The following LDB2 variants were observed in gnomAD, a reference collection of about 807,000 sequenced individuals.
LDB2 encodes LIM domain-binding protein 2.
In LDB2, 12 loss-of-function variants were observed where a neutral mutation model predicts 44.3. The ratio of observed to expected loss-of-function variants is 0.27; its 90% CI spans 0.17 to 0.44. LDB2 has a LOEUF of 0.44. LDB2 is among the 20% of genes least tolerant of loss of function. The pLI is 1.00. For synonymous variants in LDB2, 164 were observed against 174.8 expected (o/e 0.94, Z 0.49); for missense variants, 344 against 473.5 (o/e 0.73, Z 2.54).
chr4:16,888,056 T>C (rs1043056399), intron 1 of LDB2, among the ~76,000 whole-genome samples: 10 of 152,308 alleles, frequency 6.6e-5, no homozygotes, highest in South Asian at 2.1e-4. Context: ...AGTGAATCAA[T>C]TGGAAGGGCT....
At chr4:16,586,047 G>T in intron 4 of LDB2, 42 bp from the exon 5 acceptor site, 1 of 1,463,300 alleles carries the variant, frequency 6.8e-7, no homozygotes, top group Non-Finnish European at 9.6e-7. Flanking sequence ...ATCACTACAG[G>T]ACGGTCCTGA....
intron 2 of LDB2, among the ~76,000 whole-genome samples, chr4:16,677,495 C>G (rs1445609071): frequency 6.6e-6 from 1 of 152,306 alleles, no homozygotes; most frequent in East Asian, 1.9e-4. Context: ...GGCAGAAGAA[C>G]TGGATTACAA....
intron 1 of LDB2, among the ~76,000 whole-genome samples, chr4:16,787,974 C>A (rs1774822754): frequency 6.6e-6 from 1 of 152,070 alleles, no homozygotes; most frequent in African/African-American, 2.4e-5. Flanking sequence ...TGTGCCTGAC[C>A]ACTCTCTTTC....
intron 2 of LDB2, among the ~76,000 whole-genome samples, chr4:16,630,041 C>T (rs1183197733): frequency 6.6e-6 from 1 of 152,182 alleles, no homozygotes; most frequent in Admixed American, 6.5e-5. Flanking sequence ...AGAACTTCTC[C>T]AACCTAGCAA....
chr4:16,642,810 C>T (rs988726089), intron 2 of LDB2, among the ~76,000 whole-genome samples: 8 of 152,176 alleles, frequency 5.3e-5, no homozygotes, highest in Admixed American at 2.6e-4. Flanking sequence ...GTAACTGCCA[C>T]CCTCAGCAGT....
intron 2 of LDB2, among the ~76,000 whole-genome samples, chr4:16,720,230 G>C (rs1757963096): frequency 6.7e-6 from 1 of 149,370 alleles, no homozygotes; most frequent in African/African-American, 2.5e-5. Flanking sequence ...TTGACTTTAA[G>C]AAAGATTATC....
Position 16,521,392 on chromosome 4 carries a change from G to T in LDB2, c.616-9288C>A, listed in dbSNP as rs910524820. Among the ~76,000 whole-genome samples, 35 of 152,030 alleles carry T rather than the reference G, an allele frequency of 2.3e-4. 1 individual carries two copies. Among genetic ancestry groups the T allele is most frequent in the Non-Finnish European group, 5.1e-4 (35 of 68,010 alleles). On this transcript the variant is annotated intron_variant, in intron 5 of 7. Coordinates refer to ENST00000304523, the MANE Select transcript of LDB2 (RefSeq NM_001290.5). ...TCTGCACATGGCCTTTACCCTATGT[G>T]TCTGTGTCCTCTCCTCTTCTTATAA...
chr4:16,608,206 C>CA (rs71649969), intron 2 of LDB2, among the ~76,000 whole-genome samples: 21,620 of 68,084 alleles, frequency 0.32, 3,010 homozygotes, highest in East Asian at 0.39. Context: ...CACACTTCTT[C>CA]AAAAAAAAAA....
At chr4:16,551,617 A>C (rs974152452) in intron 5 of LDB2, among the ~76,000 whole-genome samples, 1 of 152,100 alleles carries the variant, frequency 6.6e-6, no homozygotes, top group Admixed American at 6.6e-5. Context: ...TTCTGGGTTC[A>C]AACAATTCTC....
At chr4:16,859,191 C>T (rs180696194) in intron 1 of LDB2, among the ~76,000 whole-genome samples, 1 of 152,164 alleles carries the variant, frequency 6.6e-6, no homozygotes, top group Non-Finnish European at 1.5e-5. Flanking sequence ...TTACTCTGAT[C>T]CCTGGGAGTC....
At chr4:16,751,507 G>A (rs1053050581) in intron 2 of LDB2, among the ~76,000 whole-genome samples, 6 of 152,114 alleles carry the variant, frequency 3.9e-5, no homozygotes, top group Non-Finnish European at 7.3e-5. Context: ...GAAGAGATGG[G>A]TCTCCTTTTT....
intron 1 of LDB2, among the ~76,000 whole-genome samples, chr4:16,787,627 T>C (rs2109548674): frequency 6.6e-6 from 1 of 151,236 alleles, no homozygotes; most frequent in African/African-American, 2.4e-5. Flanking sequence ...AAAAAAAGAG[T>C]GGGGGTGCAA....
intron 2 of LDB2, among the ~76,000 whole-genome samples, chr4:16,743,156 G>A (rs530610065): frequency 1.1e-4 from 16 of 152,248 alleles, no homozygotes; most frequent in African/African-American, 3.4e-4. Context: ...CAGGCATGGT[G>A]ATGCAAGCCT....
chr4:16,719,182 A>G (rs972815119), intron 2 of LDB2, among the ~76,000 whole-genome samples: 1 of 152,118 alleles, frequency 6.6e-6, no homozygotes, highest in Non-Finnish European at 1.5e-5. Context: ...TGACATAAAT[A>G]TGATTCAAGT....
intron 1 of LDB2, among the ~76,000 whole-genome samples, chr4:16,884,236 G>A (rs1318262491): frequency 6.6e-6 from 1 of 152,194 alleles, no homozygotes; most frequent in Non-Finnish European, 1.5e-5. Flanking sequence ...GTGTTGGTCT[G>A]AGGGCTTTCA....
intron 1 of LDB2, among the ~76,000 whole-genome samples, chr4:16,798,034 C>T (rs1401875462): frequency 3.0e-5 from 3 of 99,172 alleles, no homozygotes; most frequent in Non-Finnish European, 5.7e-5. Flanking sequence ...GACTCTGTCT[C>T]GAAAAAAAAA....
rs557235358 is a variant in LDB2, at chr4:16,679,430, A to G, written c.235+79728T>C. On this transcript the variant is annotated intron_variant, in intron 2 of 7. Coordinates refer to ENST00000304523, the MANE Select transcript of LDB2 (RefSeq NM_001290.5). ...TGCTAACGTTTTTCTAGCATTTACT[A>G]TGGGCCAGGCACTAATCCTTTACCT... Among the ~76,000 whole-genome samples the G allele has an allele frequency of 5.3e-5, 8 of 152,316 alleles. No individual in the cohort carries two copies. The South Asian group carries it at 1.5e-3, about 28-fold the overall frequency.
intron 1 of LDB2, among the ~76,000 whole-genome samples, chr4:16,843,715 A>G (rs1423313561): frequency 6.6e-6 from 1 of 152,034 alleles, no homozygotes; most frequent in East Asian, 1.9e-4. Context: ...TCCACCTCCC[A>G]GGTTCAAGCT....
chr4:16,661,886 A>G (rs925571212), intron 2 of LDB2, among the ~76,000 whole-genome samples: 6 of 152,188 alleles, frequency 3.9e-5, no homozygotes, highest in Non-Finnish European at 7.3e-5. Context: ...GTGAGAGAGC[A>G]CATGGAATCT....
Sources: allele counts gnomAD v4.1 joint callset (sites outside exome capture counted in the v4.1 genomes callset), GRCh38; gene constraint gnomAD v4.1.1; transcripts MANE v1.5; gene names NCBI Gene and HGNC (gene_info 2026-07-23, HGNC 2026-07-21).